SBF2: variants seen among roughly 807,000 people sequenced by gnomAD.
SBF2 encodes SET binding factor 2.
SBF2 carries 112 observed loss-of-function variants against 225.2 expected under a neutral mutation model. The ratio of observed to expected loss-of-function variants is 0.50; its 90% confidence interval spans 0.43 to 0.58. SBF2 has a LOEUF of 0.58. Among genes scored for constraint, SBF2 ranks in the 20% least tolerant of loss-of-function variants. The pLI is 0.00. For synonymous variants in SBF2, 763 were observed against 773.3 expected (o/e 0.99, Z 0.22); for missense variants, 1,996 against 2,206.2 (o/e 0.90, Z 1.91).
At chr11:10,256,335 G>A (rs1038062956) in intron 1 of SBF2, among the ~76,000 whole-genome samples, 1 of 152,144 alleles carries the variant, frequency 6.6e-6, no homozygotes, top group African/African-American at 2.4e-5. Flanking sequence ...TGCAGCTTCT[G>A]CTTACTACAT....
At chr11:10,229,715 G>A (rs905276850) in intron 1 of SBF2, among the ~76,000 whole-genome samples, 23 of 152,174 alleles carry the variant, frequency 1.5e-4, no homozygotes, top group African/African-American at 2.2e-4. Context: ...CATTTGCTGA[G>A]CAGTGCTTTA....
chr11:10,066,358 C>A (rs1950623763), intron 2 of SBF2, among the ~76,000 whole-genome samples: 1 of 150,340 alleles, frequency 6.7e-6, no homozygotes, highest in African/African-American at 2.5e-5. Flanking sequence ...ATATATATAT[C>A]TTTTATTTTA....
At chr11:9,890,413 T>G (rs946992068) in intron 17 of SBF2, among the ~76,000 whole-genome samples, 1 of 152,188 alleles carries the variant, frequency 6.6e-6, no homozygotes, top group Non-Finnish European at 1.5e-5. Flanking sequence ...AAAATAAATT[T>G]TTAAATGTTG....
intron 2 of SBF2, among the ~76,000 whole-genome samples, chr11:10,082,028 A>C (rs1428687427): frequency 1.3e-5 from 2 of 152,092 alleles, no homozygotes; most frequent in Admixed American, 6.6e-5. Context: ...AATAAACACA[A>C]TCAGAAAAGA....
chr11:9,910,456 A>G (rs1862507233), intron 16 of SBF2, among the ~76,000 whole-genome samples: 1 of 152,182 alleles, frequency 6.6e-6, no homozygotes, highest in Admixed American at 6.6e-5. Flanking sequence ...ATTTTAGAGT[A>G]CACTTCTACT....
chr11:10,094,780 T>C (rs973167547), intron 2 of SBF2, among the ~76,000 whole-genome samples: 1 of 151,882 alleles, frequency 6.6e-6, no homozygotes, highest in Admixed American at 6.6e-5. Context: ...GCTGGGATTA[T>C]AGGCATGAGC....
intron 1 of SBF2, among the ~76,000 whole-genome samples, chr11:10,268,577 G>C (rs1438111327): frequency 6.6e-6 from 1 of 152,118 alleles, no homozygotes; most frequent in Non-Finnish European, 1.5e-5. Flanking sequence ...CAGTCTGTTA[G>C]GAAAATCACC....
chr11:10,207,869 C>T (rs1957798611), intron 1 of SBF2, among the ~76,000 whole-genome samples: 1 of 152,076 alleles, frequency 6.6e-6, no homozygotes, highest in Non-Finnish European at 1.5e-5. Flanking sequence ...ACTACTATGT[C>T]TTATCAAAGG....
At chr11:9,970,208 CT>C (rs1316650638) in intron 13 of SBF2, among the ~76,000 whole-genome samples, 1 of 151,278 alleles carries the variant, frequency 6.6e-6, no homozygotes, top group East Asian at 1.9e-4. Context: ...CCCATATATC[CT>C]ATTTTTTTTT....
chr11:10,040,535 T>C (rs2896516), intron 3 of SBF2, among the ~76,000 whole-genome samples: 39,066 of 151,448 alleles, frequency 0.26, 5,736 homozygotes, highest in Admixed American at 0.31. Flanking sequence ...GCAATATATG[T>C]AGTATGTACT....
chr11:9,911,714 T>G (rs1230460901), intron 16 of SBF2, among the ~76,000 whole-genome samples: 1 of 152,222 alleles, frequency 6.6e-6, no homozygotes, highest in Non-Finnish European at 1.5e-5. Flanking sequence ...CCATTCACGG[T>G]AATTGTCCTA....
At chr11:10,171,304 G>C (rs1956177634) in intron 2 of SBF2, among the ~76,000 whole-genome samples, 1 of 152,042 alleles carries the variant, frequency 6.6e-6, no homozygotes, top group Admixed American at 6.6e-5. Context: ...ATTGTGTTAA[G>C]GTATGTTCCT....
chr11:9,986,282 C>T lies in SBF2; in HGVS notation c.1395+3215G>A, dbSNP rs184520094. ...CAAAACCTCTGGGATACAGCAAAGG[C>T]GGTGCTAAGAGGAAAGTTCACAGCC... is the stretch of plus-strand genomic sequence containing the variant. On this transcript the variant is annotated intron_variant, in intron 13 of 39. Transcript: ENST00000256190. 2.5e-4 allele frequency among the ~76,000 whole-genome samples: 38 copies of T among 152,138 alleles called. No individual in the cohort carries two copies. The East Asian group carries it at 7.4e-3, about 29-fold the overall frequency.
intron 23 of SBF2, among the ~76,000 whole-genome samples, chr11:9,846,156 T>G (rs1856533214): frequency 6.6e-6 from 1 of 152,164 alleles, no homozygotes; most frequent in African/African-American, 2.4e-5. Context: ...CTAGGCAATA[T>G]TTGAGTGTGG....
At chr11:9,946,982 G>A (rs1027553273) in intron 16 of SBF2, among the ~76,000 whole-genome samples, 1 of 152,150 alleles carries the variant, frequency 6.6e-6, no homozygotes, top group Non-Finnish European at 1.5e-5. Flanking sequence ...TGTAACAAAA[G>A]TTGTTTTAGG....
intron 2 of SBF2, among the ~76,000 whole-genome samples, chr11:10,177,671 C>T (rs1415559112): frequency 6.6e-6 from 1 of 151,816 alleles, no homozygotes; most frequent in Non-Finnish European, 1.5e-5. Context: ...AACTACAAAC[C>T]ACTGCTCAAG....
intron 2 of SBF2, among the ~76,000 whole-genome samples, chr11:10,053,082 T>C (rs1037115709): frequency 3.9e-5 from 6 of 152,154 alleles, no homozygotes; most frequent in Admixed American, 2.0e-4. Flanking sequence ...ATCCTGTTTT[T>C]CTCCCCTTCC....
intron 2 of SBF2, among the ~76,000 whole-genome samples, chr11:10,109,452 T>C (rs1193085796): frequency 6.6e-6 from 1 of 152,206 alleles, no homozygotes; most frequent in African/African-American, 2.4e-5. Flanking sequence ...TATTTTTAGC[T>C]CGCATGCTTC....
chr11:10,173,387 GA>G (rs1389606515), intron 2 of SBF2, among the ~76,000 whole-genome samples: 4 of 152,334 alleles, frequency 2.6e-5, no homozygotes, highest in African/African-American at 4.8e-5. Context: ...CCTAGTCAAA[GA>G]AAGGGGTGAC....
Sources: gnomAD v4.1 joint callset for allele counts (sites outside exome capture counted in the v4.1 genomes callset) on GRCh38, gnomAD v4.1.1 for gene constraint, MANE v1.5 for transcripts, NCBI Gene and HGNC (gene_info 2026-07-23, HGNC 2026-07-21) for gene names.